Variants in ARMC8 observed in about 807,000 individuals in gnomAD.
ARMC8 encodes the protein armadillo repeat containing 8.
A neutral mutation model predicts 99.3 loss-of-function variants in ARMC8; 20 were observed. That is an observed-to-expected ratio of 0.20 (90% CI 0.14 to 0.29). ARMC8 has a LOEUF of 0.29. Among genes scored for constraint, ARMC8 ranks in the 10% least tolerant of loss-of-function variants. The probability of loss-of-function intolerance (pLI) is 1.00; values close to 1 mark genes in which losing one functional copy is unlikely to be tolerated. For missense variants in ARMC8, 569 were observed against 809.5 expected (o/e 0.70, Z 3.60); for synonymous variants, 263 against 278.3 (o/e 0.95, Z 0.55).
intron 1 of ARMC8, among the ~76,000 whole-genome samples, chr3:138,205,060 CT>C (rs71146118): frequency 6.7e-3 from 624 of 93,202 alleles, no homozygotes; most frequent in African/African-American, 0.013. Flanking sequence ...CTTTTCTTTT[CT>C]TTTTTTTTTT....
chr3:138,289,671 G>A (rs1187796839), intron 20 of ARMC8, among the ~76,000 whole-genome samples: 2 of 152,100 alleles, frequency 1.3e-5, no homozygotes, highest in Admixed American at 6.5e-5. Flanking sequence ...AGAATCTCTC[G>A]GGGTGGGCTC....
chr3:138,255,203 T>G (rs190681133), intron 12 of ARMC8, among the ~76,000 whole-genome samples: 2,300 of 147,402 alleles, frequency 0.016, 54 homozygotes, highest in African/African-American at 0.052. Flanking sequence ...TTTTTTTTTT[T>G]TTGTTTTTTT....
At chr3:138,244,265 T>A (rs1212068579) in intron 11 of ARMC8, among the ~76,000 whole-genome samples, 1 of 151,936 alleles carries the variant, frequency 6.6e-6, no homozygotes, top group Non-Finnish European at 1.5e-5. Flanking sequence ...AGCTTTTTAT[T>A]TTATTTATTT....
chr3:138,281,283 A>T (rs1436985680), intron 18 of ARMC8, among the ~76,000 whole-genome samples: 1 of 151,106 alleles, frequency 6.6e-6, no homozygotes, highest in Non-Finnish European at 1.5e-5. Flanking sequence ...TTGGCCCAAT[A>T]ATTGATTTCT....
At chr3:138,217,400 C>A (rs192975441) in intron 2 of ARMC8, among the ~76,000 whole-genome samples, 5 of 147,374 alleles carry the variant, frequency 3.4e-5, no homozygotes, top group Admixed American at 1.3e-4. Flanking sequence ...AGGTCTAGAT[C>A]CTTTTTTTTT....
At chr3:138,292,369 GT>G (rs1169261860) in intron 21 of ARMC8, among the ~76,000 whole-genome samples, 3 of 152,308 alleles carry the variant, frequency 2.0e-5, no homozygotes, top group East Asian at 1.9e-4. Flanking sequence ...GATCACTCTG[GT>G]GACTTACAGA....
chr3:138,209,125 TGAGAGCCAGA>T (rs2044554755), intron 1 of ARMC8, among the ~76,000 whole-genome samples: 2 of 152,262 alleles, frequency 1.3e-5, no homozygotes, highest in Admixed American at 1.3e-4. Flanking sequence ...CTTCCCTGGC[TGAGAGCCAGA>T]TTTTGTCCTT....
At chr3:138,249,526 C>A (rs2047031516) in intron 12 of ARMC8, among the ~76,000 whole-genome samples, 1 of 151,748 alleles carries the variant, frequency 6.6e-6, no homozygotes, top group African/African-American at 2.4e-5. Context: ...AAGTTTGTAT[C>A]ATTCACACGT....
Position 138,222,037 on chromosome 3 carries a change from A to G in ARMC8, c.194+40A>G, listed in dbSNP as rs543444800. On this transcript the variant is annotated intron_variant, in intron 3 of 21. Coordinates refer to ENST00000469044, the MANE Select transcript of ARMC8 (RefSeq NM_001363941.2). ...TCACCCCTTTCTTGCCATTCATACT[A>G]GTTTCTAATGTATTTCTTACTCTCA... is the stretch of plus-strand genomic sequence containing the variant. The G allele has an allele frequency of 2.7e-6, 4 of 1,488,082 alleles. No individual in the cohort carries two copies. In the African/African-American group the frequency reaches 4.1e-5, roughly 15 times the overall value. The allele number at this position is 1,488,082 out of a possible 1,614,324, so 92.2% of individuals were successfully genotyped here.
chr3:138,266,896 A>G (rs997911282), intron 14 of ARMC8, among the ~76,000 whole-genome samples: 2 of 152,102 alleles, frequency 1.3e-5, no homozygotes, highest in African/African-American at 4.8e-5. Flanking sequence ...TTCCCCTGAC[A>G]TGTCTCTCTC....
At chr3:138,198,991 G>A (rs1243950246) in intron 1 of ARMC8, among the ~76,000 whole-genome samples, 2 of 152,064 alleles carry the variant, frequency 1.3e-5, no homozygotes, top group African/African-American at 2.4e-5. Context: ...TTATGATTGT[G>A]TTTGTGAAAT....
chr3:138,218,429 C>T (rs1216078067), intron 2 of ARMC8, among the ~76,000 whole-genome samples: 4 of 152,248 alleles, frequency 2.6e-5, no homozygotes, highest in South Asian at 2.1e-4. Context: ...CACCCTAAAG[C>T]GAACTTGTTT....
intron 12 of ARMC8, chr3:138,245,615 A>T: frequency 2.0e-6 from 2 of 999,336 alleles, no homozygotes; most frequent in Non-Finnish European, 2.4e-6. Flanking sequence ...TATGTGGCTT[A>T]GTTTTATGTT....
intron 21 of ARMC8, among the ~76,000 whole-genome samples, chr3:138,295,222 C>G (rs181414935): frequency 6.3e-4 from 96 of 152,192 alleles, no homozygotes; most frequent in Non-Finnish European, 1.2e-3. Context: ...TTCCTTTCCA[C>G]CTGGCCACCT....
rs1577053485 is a variant in ARMC8, at chr3:138,290,402, A to T, written c.1895-144A>T. 5 of 627,292 alleles carry T rather than the reference A, an allele frequency of 8.0e-6. No homozygotes were observed. The East Asian group carries it at 1.4e-4, about 18-fold the overall frequency. 38.9% of individuals were successfully genotyped at this position (627,292 alleles called of 1,614,324 possible). ...GAGAGTCCAAGCATGAGCGGGTCCA[A>T]CTACATTGGGAGAGGGTAGAGGACA... On this transcript the variant is annotated intron_variant, in intron 20 of 21. Coordinates refer to ENST00000469044, the MANE Select transcript of ARMC8 (RefSeq NM_001363941.2).
At chr3:138,263,570 C>T in intron 12 of ARMC8, 169 bp from the exon 13 acceptor site, 1 of 650,448 alleles carries the variant, frequency 1.5e-6, no homozygotes, top group Non-Finnish European at 2.8e-6. Flanking sequence ...CTAGACCTAC[C>T]TTTCTGATGA....
At chr3:138,272,847 G>C in intron 16 of ARMC8, 120 bp from the exon 17 acceptor site, 1 of 901,592 alleles carries the variant, frequency 1.1e-6, no homozygotes, top group Non-Finnish European at 1.5e-6. Flanking sequence ...ACACCAGCCT[G>C]GGCGACAGAG....
intron 2 of ARMC8, among the ~76,000 whole-genome samples, chr3:138,217,479 T>A (rs997772970): frequency 1.3e-4 from 19 of 151,930 alleles, no homozygotes; most frequent in African/African-American, 4.4e-4. Flanking sequence ...ATCACGCTTA[T>A]AATGCTCTAA....
chr3:138,265,888 A>G (rs895076323), intron 14 of ARMC8, among the ~76,000 whole-genome samples: 3 of 152,174 alleles, frequency 2.0e-5, no homozygotes, highest in Non-Finnish European at 4.4e-5. Context: ...GTCCTGGAAT[A>G]AAGCAGTAGG....
Sources: gnomAD v4.1 joint callset for allele counts (sites outside exome capture counted in the v4.1 genomes callset) on GRCh38, gnomAD v4.1.1 for gene constraint, MANE v1.5 for transcripts, NCBI Gene and HGNC (gene_info 2026-07-23, HGNC 2026-07-21) for gene names.